PASK: variants seen among roughly 807,000 people sequenced by gnomAD.
The protein encoded by PASK is PAS domain containing serine/threonine kinase, also known as PAS domain-containing serine/threonine-protein kinase.
PASK carries 110 observed loss-of-function variants against 121.0 expected under a neutral mutation model. The observed-to-expected ratio is 0.91, with a 90% CI of 0.78 to 1.06. The LOEUF is 1.06. PASK is among the 50% of genes least tolerant of loss of function. The pLI is 0.00. For missense variants in PASK, 1,643 were observed against 1,702.3 expected (o/e 0.97, Z 0.61); for synonymous variants, 686 against 717.8 (o/e 0.96, Z 0.71).
chr2:241,114,075 C>A (rs978086427), intron 14 of PASK: 1 of 984,964 alleles, frequency 1.0e-6, no homozygotes, highest in Admixed American at 6.1e-5. Context: ...TTTTAACAAG[C>A]GACCCTCAAC....
At chr2:241,116,577 A>T (rs2065379393) in intron 12 of PASK, among the ~76,000 whole-genome samples, 1 of 152,270 alleles carries the variant, frequency 6.6e-6, no homozygotes, top group African/African-American at 2.4e-5. Flanking sequence ...TCACTCTTAG[A>T]CATGTTTTCA....
Position 241,132,449 on chromosome 2 carries a change from G to A in PASK, c.1463+425C>T, listed in dbSNP as rs540685912. ...GGAGAATGGTGTGAACCCGGGAGGCGGAGCTTGCAATGCAATGAGCAATGA... is the reference window on the plus strand; with the variant it reads ...GGAGAATGGTGTGAACCCGGGAGGCAGAGCTTGCAATGCAATGAGCAATGA... On this transcript the variant is annotated intron_variant, in intron 9 of 17. Coordinates refer to ENST00000234040, the MANE Select transcript of PASK (RefSeq NM_015148.4). Among the ~76,000 whole-genome samples, 164 of 138,328 alleles carry A rather than the reference G, an allele frequency of 1.2e-3. 1 individual carries two copies. Among genetic ancestry groups the A allele is most frequent in the African/African-American group, 3.8e-3 (149 of 39,004 alleles). The allele number at this position is 138,328 out of a possible 152,430, so 90.7% of individuals were successfully genotyped here.
At chr2:241,137,361 CG>C in intron 6 of PASK, 97 bp from the exon 7 acceptor site, 2 of 955,960 alleles carry the variant, frequency 2.1e-6, no homozygotes, top group South Asian at 2.6e-5. Flanking sequence ...CCCACGTCAT[CG>C]GGGAAGGTCC....
intron 12 of PASK, chr2:241,118,805 C>A: frequency 2.0e-6 from 1 of 497,150 alleles, no homozygotes. Context: ...AGGAACAGGC[C>A]AGCGTGTACA....
intron 9 of PASK, among the ~76,000 whole-genome samples, chr2:241,130,616 T>A (rs558991635): frequency 6.6e-6 from 1 of 152,158 alleles, no homozygotes; most frequent in Non-Finnish European, 1.5e-5. Context: ...TATTGAAAAC[T>A]CACGTGTTGA....
At chr2:241,139,586 C>T (rs1559397226) in intron 4 of PASK, 1 of 641,406 alleles carries the variant, frequency 1.6e-6, no homozygotes, top group East Asian at 3.4e-5. Context: ...GGCAGGACTG[C>T]AAAACATTAG....
At chr2:241,135,732 A>AC (rs34345561) in intron 8 of PASK, 139 bp downstream of exon 8, 269,093 of 679,910 alleles carry the variant, frequency 0.4, 56,719 homozygotes, top group Middle Eastern at 0.5. Flanking sequence ...GAAAACAGTC[A>AC]CCCCCTACTC....
Position 241,112,229 on chromosome 2 carries a change from C to T in PASK, c.3533+11G>A, listed in dbSNP as rs371272413. 9.3e-6 allele frequency: 15 copies of T among 1,606,690 alleles called. No individual in the cohort carries two copies. The highest frequency in any genetic ancestry group is 1.7e-4 in the Middle Eastern group (1 of 6,056). ...ACACGAGGACGGGCCGCACCGCAGC[C>T]GCATACGTACGGATTCCCCATGAGA... On this transcript the variant is annotated intron_variant, in intron 15 of 17. Transcript: ENST00000234040. The surrounding 1 kb of genome is among the most constrained non-coding windows in gnomAD (Gnocchi z 5.2).
At chr2:241,114,667 G>A in intron 14 of PASK, 1 of 1,175,664 alleles carries the variant, frequency 8.5e-7, no homozygotes. Context: ...CATTTAGTGG[G>A]CACTTACAAC....
intron 6 of PASK, 73 bp from the exon 7 acceptor site, chr2:241,137,337 G>A (rs1046803739): frequency 1.4e-5 from 18 of 1,254,792 alleles, no homozygotes; most frequent in African/African-American, 2.9e-5. Flanking sequence ...TGCTGCGTCC[G>A]ACCCGACTTC....
upstream of PASK, chr2:241,149,832 G>A: frequency 6.6e-7 from 1 of 1,507,508 alleles, no homozygotes; most frequent in Middle Eastern, 2.4e-4. Flanking sequence ...CACTGGGCTG[G>A]GAACGACTTG....
intron 10 of PASK, among the ~76,000 whole-genome samples, chr2:241,125,012 A>G (rs1430806592): frequency 6.6e-6 from 1 of 152,036 alleles, no homozygotes; most frequent in African/African-American, 2.4e-5. Context: ...TAAAAATACA[A>G]AAAATTAGCC....
chr2:241,106,657 G>A lies in PASK; in HGVS notation c.3881C>T (p.Ala1294Val), dbSNP rs771678808. Reference sequence around the variant, plus strand: ...AACGGGGCCCCCACAAAGCTCCTGAGCCTGGGCCACATCACTCAGGCTCCT... The same window carrying A: ...AACGGGGCCCCCACAAAGCTCCTGAACCTGGGCCACATCACTCAGGCTCCT... ...GNRSLSDVAQ[A>V]QELCGGPVPG... Residue 1294 changes from alanine to valine, a missense_variant, in exon 18 of 18, where the codon GCT (alanine) becomes GTT (valine). By Grantham distance (64) the Ala-to-Val change is moderately conservative. Coordinates refer to ENST00000234040, the MANE Select transcript of PASK (RefSeq NM_015148.4). 18 of 1,614,032 alleles carry A rather than the reference G, an allele frequency of 1.1e-5. No homozygotes were observed. In the African/African-American group the frequency reaches 1.9e-4, roughly 17 times the overall value.
chr2:241,144,705 CCAAGA>C (rs1466297446), intron 1 of PASK, among the ~76,000 whole-genome samples: 3 of 152,216 alleles, frequency 2.0e-5, no homozygotes, highest in African/African-American at 7.2e-5. Flanking sequence ...CGAGGCCCTT[CCAAGA>C]CAAGGCAGGC....
chr2:241,144,524 G>A (rs994298349), intron 1 of PASK, among the ~76,000 whole-genome samples: 12 of 152,114 alleles, frequency 7.9e-5, no homozygotes, highest in Non-Finnish European at 1.6e-4. Flanking sequence ...CACCTTCTGG[G>A]TATCCAGAAC....
At position 241,106,517 on chromosome 2, in the gene PASK, C is replaced by T; in HGVS notation, c.*49G>A. 2 of 1,592,878 alleles carry T rather than the reference C, an allele frequency of 1.3e-6. No individual in the cohort carries two copies. Among genetic ancestry groups the T allele is most frequent in the Non-Finnish European group, 1.7e-6 (2 of 1,160,688 alleles). On this transcript the variant is annotated 3_prime_UTR_variant, in exon 18 of 18. Transcript: ENST00000234040. ...TCTCCAAACAGATGGAGCCTGAAAA[C>T]TGTGTGATTTTCCAAACCAAGTGGA...
In PASK at chr2:241,126,931, T is replaced by C. The variant is rs1398749637; in HGVS notation, c.1984A>G (p.Ile662Val). 1 of 1,613,988 alleles carries C rather than the reference T, an allele frequency of 6.2e-7. No homozygotes were observed. Among genetic ancestry groups the C allele is most frequent in the Non-Finnish European group, 8.5e-7 (1 of 1,179,998 alleles). ...CTCAACTGGGACAGCTGCTCCTTAA[T>C]CAAGCAGGTCTGCAGCTCTTCTCGG... ...NDREELQTCLIKEQLSQLSLA... is the reference protein window; with the variant it reads ...NDREELQTCLVKEQLSQLSLA... The change falls in exon 10 of 18, where the codon ATT (isoleucine) becomes GTT (valine). Residue 662 changes from isoleucine to valine, a missense_variant. Ile to Val is a conservative substitution (Grantham distance 29). Around this residue, in one of 3 missense-constraint regions of PASK, gnomAD observed 1,176 missense variants for 1,162.2 expected, o/e 1.01. Transcript: ENST00000234040.
intron 12 of PASK, chr2:241,118,827 G>A: frequency 3.2e-6 from 2 of 622,482 alleles, no homozygotes. Flanking sequence ...CAAGCTGTGT[G>A]GTGTACACAC....
At position 241,115,005 on chromosome 2, in the gene PASK, C is replaced by A. The variant is rs116670960; in HGVS notation, c.3333+38G>T. The A allele has an allele frequency of 1.0e-3, 1,636 of 1,613,950 alleles. 16 individuals are homozygous for A. In the African/African-American group the frequency reaches 0.019, roughly 19 times the overall value. ...CAGCCACCGGACCCAGGCACCCAGG[C>A]CTGCGTTCACACTAACACGGCTCTG... is the stretch of plus-strand genomic sequence containing the variant. On this transcript the variant is annotated intron_variant, in intron 14 of 17. Coordinates refer to ENST00000234040, the MANE Select transcript of PASK (RefSeq NM_015148.4).
Sources: allele counts gnomAD v4.1 joint callset (sites outside exome capture counted in the v4.1 genomes callset), GRCh38; gene constraint gnomAD v4.1.1; regional missense constraint gnomAD v4.1.1; non-coding constraint Gnocchi (gnomAD v3.1); transcripts MANE v1.5; gene names NCBI Gene and HGNC (gene_info 2026-07-23, HGNC 2026-07-21).